The following UBTF variants were observed in gnomAD, a reference collection of about 807,000 sequenced individuals.
UBTF encodes nucleolar transcription factor 1.
UBTF carries 8 observed loss-of-function variants against 112.3 expected under a neutral mutation model. The ratio of observed to expected loss-of-function variants is 0.07; its 90% CI spans 0.04 to 0.13. The LOEUF (loss-of-function observed/expected upper bound fraction) is 0.13. Ranked by LOEUF, UBTF falls within the 10% of genes least tolerant of loss-of-function variation. UBTF has a pLI of 1.00. For missense variants in UBTF, 457 were observed against 982.1 expected (o/e 0.47, Z 7.15); for synonymous variants, 417 against 373.1 (o/e 1.12, Z -1.36).
At chr17:44,220,703 C>G (rs1017937035), upstream of UBTF, 1 of 151,912 alleles carries the variant, frequency 6.6e-6, no homozygotes, top group South Asian at 2.1e-4. Context: ...GTAGCAACCC[C>G]TCTCCCCCGA....
intron 3 of UBTF, 25 bp from the exon 4 acceptor site, chr17:44,216,014 G>C (rs2046825305): frequency 6.3e-7 from 1 of 1,596,362 alleles, no homozygotes. Flanking sequence ...GTGGGAGGAA[G>C]GGGAAGTTGG....
chr17:44,209,144 G>T, intron 17 of UBTF: 1 of 484,740 alleles, frequency 2.1e-6, no homozygotes, highest in Non-Finnish European at 3.5e-6. Flanking sequence ...ACTCCAGCCT[G>T]GGCAGGAGAG....
intron 17 of UBTF, chr17:44,209,146 G>A: frequency 2.0e-6 from 1 of 493,360 alleles, no homozygotes; most frequent in Middle Eastern, 5.6e-4. Flanking sequence ...TCCAGCCTGG[G>A]CAGGAGAGCA....
At position 44,211,058 on chromosome 17, in the gene UBTF, G is replaced by A. The variant is rs1249576092; in HGVS notation, c.1184C>T (p.Pro395Leu). The change falls in exon 12 of 21, where the codon CCA becomes CTA. Residue 395 changes from proline to leucine, a missense_variant. Pro to Leu is a moderately conservative substitution (Grantham distance 98, BLOSUM62 -3). Around this residue, in one of 7 missense-constraint regions of UBTF, gnomAD observed 108 missense variants for 137.4 expected, o/e 0.79. Coordinates refer to ENST00000436088, the MANE Select transcript of UBTF (RefSeq NM_014233.4). This position sits in a 1 kb window ranked among gnomAD's most constrained non-coding sequence, Gnocchi z 4.9. ...KQATSPASKK[P>L]AQEGGKGGSE... ...GCCCACCTTGCCCCCTTCCTGGGCT[G>A]GCTTCTTGGAGGCGGGGCTGGTGGC... 1.9e-6 allele frequency: 3 copies of A among 1,612,444 alleles called. No individual in the cohort carries two copies. The highest frequency in any genetic ancestry group is 1.3e-5 in the African/African-American group (1 of 75,080).
Position 44,207,945 on chromosome 17 carries a change from T to C in UBTF, c.1906-34A>G, listed in dbSNP as rs367729130. The C allele has an allele frequency of 6.8e-6, 11 of 1,613,464 alleles. No homozygotes were observed. The Admixed American group carries it at 1.0e-4, about 15-fold the overall frequency. On this transcript the variant is annotated intron_variant, in intron 17 of 20. Transcript: ENST00000436088. ...GACAGAAGCGGCAAGGGTTGGAACA[T>C]AGCCAACTACTGCTGACTGAGCATG...
Position 44,211,790 on chromosome 17 carries a change from A to G in UBTF, c.906-43T>C, listed in dbSNP as rs566838338. On this transcript the variant is annotated intron_variant, in intron 9 of 20. Transcript: ENST00000436088. The surrounding 1 kb of genome is among the most constrained non-coding windows in gnomAD (Gnocchi z 4.9). ...AGAGAGGTGCAGCCCGTAAGCGAGC[A>G]GGGCAGCAGGCCTTCTCACCTGCAG... 6.3e-7 allele frequency: 1 copy of G among 1,598,514 alleles called. No homozygotes were observed. The highest frequency in any genetic ancestry group is 1.1e-5 in the South Asian group (1 of 90,304).
In UBTF at chr17:44,207,693, C is replaced by G. The variant is rs753325253; in HGVS notation, c.2025+6G>C. On this transcript the variant is annotated splice_donor_region_variant and intron_variant, in intron 19 of 20. Coordinates refer to ENST00000436088, the MANE Select transcript of UBTF (RefSeq NM_014233.4). ...CACGCCCCTGCATCTGGGAGGGGCT[C>G]CTTACCGACTTGGACTGCAGAGTAG... 5.6e-6 allele frequency: 9 copies of G among 1,614,182 alleles called. No individual in the cohort carries two copies. The highest frequency in any genetic ancestry group is 6.8e-6 in the Non-Finnish European group (8 of 1,180,030).
Position 44,210,448 on chromosome 17 carries a change from G to A in UBTF, c.1385C>T (p.Ala462Val), listed in dbSNP as rs1282989801. 1.9e-6 allele frequency: 3 copies of A among 1,612,112 alleles called. No individual in the cohort carries two copies. Among genetic ancestry groups the A allele is most frequent in the African/African-American group, 1.3e-5 (1 of 74,900 alleles). ...CTTCCTCTCCGACTGAGCCTTGAGC[G>A]CCGCCTCTCGGGCCTTGTACTTGGC... is the stretch of plus-strand genomic sequence containing the variant. ...KKAKYKAREAALKAQSERKPG... is the reference protein window; with the variant it reads ...KKAKYKAREAVLKAQSERKPG... The change falls in exon 14 of 21, where the codon GCG (alanine) becomes GTG (valine). Residue 462 changes from alanine to valine, a missense_variant. Transcript: ENST00000436088.
chr17:44,220,728 G>T (rs772016769), upstream of UBTF: 2 of 151,710 alleles, frequency 1.3e-5, no homozygotes, highest in African/African-American at 4.8e-5. Flanking sequence ...CGCGGCTCCC[G>T]GGCTCACTTA....
At chr17:44,218,420 G>A (rs1053003858) in intron 1 of UBTF, 124 bp from the exon 2 acceptor site, 19 of 598,628 alleles carry the variant, frequency 3.2e-5, no homozygotes, top group Non-Finnish European at 5.0e-5. Context: ...GACCTTATTA[G>A]ACTTAAGGGG....
chr17:44,219,245 G>C (rs1276004510), intron 1 of UBTF, 200 bp downstream of exon 1: 1 of 151,000 alleles, frequency 6.6e-6, no homozygotes, highest in Non-Finnish European at 1.5e-5. Flanking sequence ...CTCCGCCAGC[G>C]GCCGGGGCTC....
In UBTF at chr17:44,211,837, T is replaced by C; in HGVS notation, c.905+36A>G. On this transcript the variant is annotated intron_variant, in intron 9 of 20. Coordinates refer to ENST00000436088, the MANE Select transcript of UBTF (RefSeq NM_014233.4). The surrounding 1 kb of genome is among the most constrained non-coding windows in gnomAD (Gnocchi z 4.9). The stretch of plus-strand genomic sequence containing the variant: ...GCAGAGCCCAGCCCAACTTCCCAGC[T>C]GCCCACTCGCCCACCCATCCCAGGG... The C allele has an allele frequency of 6.2e-7, 1 of 1,605,420 alleles. No homozygotes were observed. The highest frequency in any genetic ancestry group is 8.5e-7 in the Non-Finnish European group (1 of 1,175,958).
In UBTF at chr17:44,211,317, G is replaced by A. The variant is rs143885512; in HGVS notation, c.1062C>T (p.Tyr354=). ...HKKCDQKKKD[Y]EVELLRFLES... is the part of the protein sequence containing the mutation. ...CGAGGAAACGGAGCAGCTCCACCTC[G>A]TAATCTTTCTTTTTCTGGGAAAGTG... is the stretch of plus-strand genomic sequence containing the variant. The change falls in exon 11 of 21, where the codon TAC becomes TAT. Residue 354 remains tyrosine (Y), a synonymous_variant. Coordinates refer to ENST00000436088, the MANE Select transcript of UBTF (RefSeq NM_014233.4). The surrounding 1 kb of genome is among the most constrained non-coding windows in gnomAD (Gnocchi z 4.9). 2,533 of 1,614,190 alleles carry A rather than the reference G, an allele frequency of 1.6e-3. 7 individuals carry two copies. Among genetic ancestry groups the A allele is most frequent in the Non-Finnish European group, 1.9e-3 (2,245 of 1,180,038 alleles).
intron 3 of UBTF, 32 bp downstream of exon 3, chr17:44,216,497 T>A (rs1406351529): frequency 1.9e-6 from 3 of 1,610,842 alleles, no homozygotes; most frequent in African/African-American, 1.3e-5. Flanking sequence ...GTGGGGGGTA[T>A]GTGTGTATGT....
In UBTF at chr17:44,207,440, CCT is replaced by C; in HGVS notation, c.2169+12_2169+13del. 1.9e-6 allele frequency: 3 copies of C among 1,613,214 alleles called. No homozygotes were observed. The highest frequency in any genetic ancestry group is 1.1e-5 in the South Asian group (1 of 90,946). ...GGACTCCCCTCCCCTCCCACTGTGC[CCT>C]GTCTGCCCCACCTCATCCCCATCCT... On this transcript the variant is annotated intron_variant, in intron 20 of 20. Transcript: ENST00000436088.
Position 44,206,115 on chromosome 17 carries a change from C to G in UBTF, c.*1127G>C, listed in dbSNP as rs538816508. On this transcript the variant is annotated 3_prime_UTR_variant, in exon 21 of 21. Coordinates refer to ENST00000436088, the MANE Select transcript of UBTF (RefSeq NM_014233.4). Reference sequence around the variant, plus strand: ...CTCAGATGAACAGGGGAGACCTTTTCCATCAAATACAAGCTTTAAGCTTCA... The same window carrying G: ...CTCAGATGAACAGGGGAGACCTTTTGCATCAAATACAAGCTTTAAGCTTCA... 21 of 152,260 alleles carry G rather than the reference C, an allele frequency of 1.4e-4. 1 individual carries two copies. The South Asian group carries it at 4.3e-3, about 32-fold the overall frequency. The allele number at this position is 152,260 out of a possible 1,614,324, so 9.4% of individuals were successfully genotyped here. A position where few individuals can be genotyped will look rare whatever the true frequency, so the allele number is the denominator to read the frequency against.
chr17:44,210,771 C>A (rs186528652), intron 13 of UBTF, 21 bp downstream of exon 13: 3 of 1,554,836 alleles, frequency 1.9e-6, no homozygotes, highest in South Asian at 1.2e-5. Context: ...GGGGGCACAG[C>A]GCTCCGCCAG....
chr17:44,211,884 G>A lies in UBTF; in HGVS notation c.894C>T (p.Thr298=). The part of the protein sequence containing the change: ...QLKDKFDGRP[T]KPPPNSYSLY... ...AGGGCAGCGCTCACGGAGGTGGCTT[G>A]GTGGGTCGCCCGTCAAACTTGTCCT... Residue 298 remains threonine (T), a synonymous_variant, in exon 9 of 21, where the codon ACC becomes ACT. Coordinates refer to ENST00000436088, the MANE Select transcript of UBTF (RefSeq NM_014233.4). The surrounding 1 kb of genome is among the most constrained non-coding windows in gnomAD (Gnocchi z 4.9). 1 of 1,613,572 alleles carries A rather than the reference G, an allele frequency of 6.2e-7. No individual in the cohort carries two copies. The highest frequency in any genetic ancestry group is 8.5e-7 in the Non-Finnish European group (1 of 1,179,976).
At chr17:44,216,838 C>A in intron 2 of UBTF, 134 bp from the exon 3 acceptor site, 2 of 822,816 alleles carry the variant, frequency 2.4e-6, no homozygotes, top group Admixed American at 4.1e-5. Flanking sequence ...AAGGCACAGA[C>A]AAGATATGGC....
Sources: allele counts gnomAD v4.1 joint callset, GRCh38; gene constraint gnomAD v4.1.1; regional missense constraint gnomAD v4.1.1; non-coding constraint Gnocchi (gnomAD v3.1); transcripts MANE v1.5; gene names NCBI Gene and HGNC (gene_info 2026-07-23, HGNC 2026-07-21).